Variants in ZNF474 observed in about 807,000 individuals in gnomAD.
The protein encoded by ZNF474 is 4933409D10Rik.
For missense variants in ZNF474, 511 were observed against 433.8 expected (o/e 1.18, Z -1.58); for synonymous variants, 192 against 162.2 (o/e 1.18, Z -1.39).
chr5:122,129,778 T>C (rs1286050466), intron 1 of ZNF474, 95 bp downstream of exon 1: 1 of 152,216 alleles, frequency 6.6e-6, no homozygotes, highest in Non-Finnish European at 1.5e-5. Flanking sequence ...TAACAACTGC[T>C]TCTCTTAGAT....
intron 1 of ZNF474, among the ~76,000 whole-genome samples, chr5:122,138,005 A>G (rs1408188906): frequency 1.3e-5 from 2 of 152,258 alleles, no homozygotes; most frequent in Non-Finnish European, 2.9e-5. Flanking sequence ...AGGAATAACC[A>G]ACCACTTCAA....
Position 122,146,001 on chromosome 5 carries a change from T to C in ZNF474, c.-212-5778T>C, listed in dbSNP as rs145134220. On this transcript the variant is annotated intron_variant, in intron 1 of 1. Coordinates refer to ENST00000296600, the MANE Select transcript of ZNF474 (RefSeq NM_207317.3). ...GGTCAGTTTGTCTGGTTTTACAAATTTGGTTGGATTCAGCTGCTGCTACTG... is the reference window on the plus strand; with the variant it reads ...GGTCAGTTTGTCTGGTTTTACAAATCTGGTTGGATTCAGCTGCTGCTACTG... Among the ~76,000 whole-genome samples the C allele has an allele frequency of 2.2e-3, 334 of 152,224 alleles. 3 individuals are homozygous for C. The highest frequency in any genetic ancestry group is 7.5e-3 in the African/African-American group (310 of 41,534).
At chr5:122,151,705 A>ATGTCTGTGTGTGTGTGTG (rs58814754) in intron 1 of ZNF474, 74 bp from the exon 2 acceptor site, 169 of 206,100 alleles carry the variant, frequency 8.2e-4, no homozygotes, top group African/African-American at 3.3e-3. Context: ...AACAACCTAA[A>ATGTCTGTGTGTGTGTGTG]TGTGTGTGTG....
intron 1 of ZNF474, among the ~76,000 whole-genome samples, chr5:122,129,932 A>G (rs1478665308): frequency 6.6e-6 from 1 of 152,184 alleles, no homozygotes; most frequent in Non-Finnish European, 1.5e-5. Context: ...AATAAATGTC[A>G]TTTTACTTCT....
rs1756222992 is a variant in ZNF474 at position 122,152,645 on chromosome 5, C to T, written c.655C>T (p.Pro219Ser). 1 of 1,614,184 alleles carries T rather than the reference C, an allele frequency of 6.2e-7. No homozygotes were observed. Among genetic ancestry groups the T allele is most frequent in the African/African-American group, 1.3e-5 (1 of 75,038 alleles). Residue 219 changes from proline to serine, a missense_variant, in exon 2 of 2, where the codon CCA becomes TCA. Physicochemically the swap from Pro to Ser is moderately conservative, Grantham distance 74. Coordinates refer to ENST00000296600, the MANE Select transcript of ZNF474 (RefSeq NM_207317.3). ...AGCTTGTAGTGGAACCCCAGCCCGACCAAGGACTGTTATCTGCTACATATG... is the reference window on the plus strand; with the variant it reads ...AGCTTGTAGTGGAACCCCAGCCCGATCAAGGACTGTTATCTGCTACATATG... ...KKACSGTPAR[P>S]RTVICYICGK...
At position 122,141,324 on chromosome 5, in the gene ZNF474, T is replaced by G. The variant is rs13166609; in HGVS notation, c.-212-10455T>G. ...TATTTTTTTTTTTTTTTTTTTTTTT[T>G]TGTGAGAGGGAGTCTCCCTCTCTTG... On this transcript the variant is annotated intron_variant, in intron 1 of 1. Coordinates refer to ENST00000296600, the MANE Select transcript of ZNF474 (RefSeq NM_207317.3). Among the ~76,000 whole-genome samples, 627 of 95,120 alleles carry G rather than the reference T, an allele frequency of 6.6e-3. 6 individuals carry two copies. The highest frequency in any genetic ancestry group is 0.019 in the African/African-American group (591 of 31,688). 62.4% of individuals were successfully genotyped at this position (95,120 alleles called of 152,430 possible).
rs368273210 is a variant in ZNF474, at chr5:122,141,300, A to ATTT, written c.-212-10456_-212-10454dup. Reference sequence around the variant, plus strand: ...CGAGTAGCTGGGATTACCCCTGGCTATTTTTTTTTTTTTTTTTTTTTTTTT... The same window carrying ATTT: ...CGAGTAGCTGGGATTACCCCTGGCTATTTTTTTTTTTTTTTTTTTTTTTTTTTT... On this transcript the variant is annotated intron_variant, in intron 1 of 1. Transcript: ENST00000296600. Among the ~76,000 whole-genome samples the ATTT allele has an allele frequency of 9.2e-3, 593 of 64,310 alleles. 11 individuals are homozygous for ATTT. The highest frequency in any genetic ancestry group is 0.023 in the Admixed American group (94 of 4,164). 42.2% of individuals were successfully genotyped at this position (64,310 alleles called of 152,430 possible).
chr5:122,141,322 T>C (rs1016233356), intron 1 of ZNF474, among the ~76,000 whole-genome samples: 1 of 140,668 alleles, frequency 7.1e-6, no homozygotes, highest in Non-Finnish European at 1.5e-5. Flanking sequence ...TTTTTTTTTT[T>C]TTTGTGAGAG....
At position 122,153,429 on chromosome 5, in the gene ZNF474, G is replaced by A. The variant is rs184778862; in HGVS notation, c.*344G>A. Reference sequence around the variant, plus strand: ...ATTCCAACAGCCAATATTTATTGTCGGTTTATTTTAGTCATCTACCTTAGG... The same window carrying A: ...ATTCCAACAGCCAATATTTATTGTCAGTTTATTTTAGTCATCTACCTTAGG... On this transcript the variant is annotated 3_prime_UTR_variant, in exon 2 of 2. Coordinates refer to ENST00000296600, the MANE Select transcript of ZNF474 (RefSeq NM_207317.3). 108 of 224,944 alleles carry A rather than the reference G, an allele frequency of 4.8e-4. 1 individual carries two copies. Among genetic ancestry groups the A allele is most frequent in the African/African-American group, 2.3e-3 (100 of 43,482 alleles). The allele number at this position is 224,944 out of a possible 1,614,324, so 13.9% of individuals were successfully genotyped here.
Position 122,144,825 on chromosome 5 carries a change from T to G in ZNF474, c.-212-6954T>G, listed in dbSNP as rs2152605659. ...CCTCTAATGTGATTATACTGACGGT[T>G]TGTATAACCAGTGCTCCACCACTGC... On this transcript the variant is annotated intron_variant, in intron 1 of 1. Coordinates refer to ENST00000296600, the MANE Select transcript of ZNF474 (RefSeq NM_207317.3). 2.0e-5 allele frequency among the ~76,000 whole-genome samples: 3 copies of G among 152,302 alleles called. No homozygotes were observed. The Middle Eastern group carries it at 0.01, about 518-fold the overall frequency.
intron 1 of ZNF474, among the ~76,000 whole-genome samples, chr5:122,139,517 C>G (rs1755783397): frequency 6.6e-6 from 1 of 152,124 alleles, no homozygotes; most frequent in Non-Finnish European, 1.5e-5. Context: ...ATTTACAGGA[C>G]AAACCCTAAA....
At chr5:122,150,474 T>G (rs1353513161) in intron 1 of ZNF474, among the ~76,000 whole-genome samples, 1 of 152,058 alleles carries the variant, frequency 6.6e-6, no homozygotes, top group Admixed American at 6.5e-5. Context: ...GTGCCCAGGG[T>G]TTCCATATTA....
Position 122,153,321 on chromosome 5 carries a change from C to T in ZNF474, c.*236C>T, listed in dbSNP as rs1228395862. 2.1e-6 allele frequency: 1 copy of T among 477,808 alleles called. No homozygotes were observed. Among genetic ancestry groups the T allele is most frequent in the South Asian group, 6.0e-5 (1 of 16,716 alleles). The allele number at this position is 477,808 out of a possible 1,614,324, so 29.6% of individuals were successfully genotyped here. A position where few individuals can be genotyped will look rare whatever the true frequency, so the allele number is the denominator to read the frequency against. Reference sequence around the variant, plus strand: ...GATGGACTTCTTTCTTCCCTGATCCCTGATACAAATAATCCCTGGGAGAGA... The same window carrying T: ...GATGGACTTCTTTCTTCCCTGATCCTTGATACAAATAATCCCTGGGAGAGA... On this transcript the variant is annotated 3_prime_UTR_variant, in exon 2 of 2. Transcript: ENST00000296600.
At position 122,147,050 on chromosome 5, in the gene ZNF474, C is replaced by A. The variant is rs142283869; in HGVS notation, c.-212-4729C>A. Among the ~76,000 whole-genome samples the A allele has an allele frequency of 4.1e-3, 621 of 152,276 alleles. 4 individuals carry two copies. The highest frequency in any genetic ancestry group is 0.014 in the African/African-American group (598 of 41,550). ...ATTGGTAAGGAACTAACTGTCTCTG[C>A]CGGACATTAGAAGGGACATTATCTC... On this transcript the variant is annotated intron_variant, in intron 1 of 1. Coordinates refer to ENST00000296600, the MANE Select transcript of ZNF474 (RefSeq NM_207317.3).
In ZNF474 at chr5:122,152,866, A is replaced by C. The variant is rs1276105477; in HGVS notation, c.876A>C (p.Arg292=). Residue 292 remains arginine (R), a synonymous_variant, in exon 2 of 2, where the codon CGA becomes CGC. Transcript: ENST00000296600. ...TTGTGTTCTGCCCACATTGTAGCCG[A>C]ATCTTTACCTCAGACCGCCTCCTGG... ...AQLVFCPHCS[R]IFTSDRLLVH... 6.2e-7 allele frequency: 1 copy of C among 1,614,144 alleles called. No homozygotes were observed. The highest frequency in any genetic ancestry group is 8.5e-7 in the Non-Finnish European group (1 of 1,180,038).
intron 1 of ZNF474, among the ~76,000 whole-genome samples, chr5:122,151,008 C>G (rs1756154938): frequency 6.6e-6 from 1 of 152,138 alleles, no homozygotes; most frequent in African/African-American, 2.4e-5. Flanking sequence ...ACCCTATTCC[C>G]ATAATAAACA....
At chr5:122,142,293 A>G (rs1002461625) in intron 1 of ZNF474, among the ~76,000 whole-genome samples, 2 of 152,242 alleles carry the variant, frequency 1.3e-5, no homozygotes, top group Non-Finnish European at 2.9e-5. Context: ...ATCAGCATCC[A>G]CAAAGTTGAT....
intron 1 of ZNF474, among the ~76,000 whole-genome samples, chr5:122,132,338 A>G (rs12109730): frequency 7.9e-5 from 12 of 152,012 alleles, no homozygotes; most frequent in African/African-American, 2.7e-4. Context: ...TTTTTAGGTA[A>G]TTATTTAAAA....
chr5:122,139,231 C>T (rs1360070364), intron 1 of ZNF474, among the ~76,000 whole-genome samples: 2 of 152,110 alleles, frequency 1.3e-5, no homozygotes, highest in Admixed American at 6.5e-5. Flanking sequence ...ATTATTTGAA[C>T]TATTGGGGCA....
Sources: gnomAD v4.1 joint callset for allele counts (sites outside exome capture counted in the v4.1 genomes callset) on GRCh38, gnomAD v4.1.1 for gene constraint, MANE v1.5 for transcripts, NCBI Gene and HGNC (gene_info 2026-07-23, HGNC 2026-07-21) for gene names.